POU6F2: variants seen among roughly 807,000 people sequenced by gnomAD.
POU6F2 encodes POU class 6 homeobox 2.
In POU6F2, 31 loss-of-function variants were observed where a neutral mutation model predicts 71.3. The observed-to-expected ratio is 0.43, with a 90% CI of 0.33 to 0.59. The LOEUF is 0.59. Ranked by LOEUF, POU6F2 falls within the 20% of genes least tolerant of loss-of-function variation. POU6F2 has a pLI of 0.04. For missense variants in POU6F2, 783 were observed against 856.8 expected (o/e 0.91, Z 1.07); for synonymous variants, 347 against 355.7 (o/e 0.98, Z 0.27).
At chr7:39,000,447 G>A (rs1370170785) in intron 1 of POU6F2, among the ~76,000 whole-genome samples, 1 of 151,798 alleles carries the variant, frequency 6.6e-6, no homozygotes, top group Non-Finnish European at 1.5e-5. Context: ...ATATCAGACT[G>A]CTCTCCACTG....
intron 4 of POU6F2, among the ~76,000 whole-genome samples, chr7:39,247,823 G>A (rs10081326): frequency 0.69 from 105,299 of 152,074 alleles, 36,940 homozygotes; most frequent in East Asian, 0.97. Context: ...CTGTAACACA[G>A]TATTCCAGGG....
At chr7:39,191,753 A>G (rs185697874) in intron 2 of POU6F2, among the ~76,000 whole-genome samples, 11 of 152,378 alleles carry the variant, frequency 7.2e-5, no homozygotes, top group African/African-American at 4.8e-5. Flanking sequence ...ACCTAAGTCT[A>G]TTAGTAATAT....
rs769551372 is a variant in POU6F2, at chr7:39,466,072, G to A, written c.*1386G>A. 2.0e-5 allele frequency: 3 copies of A among 152,120 alleles called. No homozygotes were observed. The highest frequency in any genetic ancestry group is 1.9e-4 in the East Asian group (1 of 5,198). The allele number at this position is 152,120 out of a possible 1,614,324, so 9.4% of individuals were successfully genotyped here. On this transcript the variant is annotated 3_prime_UTR_variant, in exon 10 of 10. Transcript: ENST00000518318. ...CTGCTACTTCTTTCATTCCAATAGC[G>A]ATGGCAGACTTTTTTCAGGGGGAAT...
intron 1 of POU6F2, among the ~76,000 whole-genome samples, chr7:38,981,301 T>A (rs1472060889): frequency 6.6e-6 from 1 of 152,064 alleles, no homozygotes; most frequent in Non-Finnish European, 1.5e-5. Context: ...AGCTTGTGAG[T>A]GACAGATTAG....
At chr7:39,238,353 C>T (rs1447680872) in intron 4 of POU6F2, among the ~76,000 whole-genome samples, 1 of 152,084 alleles carries the variant, frequency 6.6e-6, no homozygotes, top group East Asian at 1.9e-4. Context: ...ACTAACTTAC[C>T]AGAAAGCAAA....
intron 4 of POU6F2, among the ~76,000 whole-genome samples, chr7:39,211,326 G>A (rs80257136): frequency 0.013 from 1,912 of 152,166 alleles, 47 homozygotes; most frequent in African/African-American, 0.043. Context: ...TAATGCTCCC[G>A]CTCTCACTCA....
chr7:39,079,744 A>G (rs1052695859), intron 1 of POU6F2, among the ~76,000 whole-genome samples: 1 of 152,182 alleles, frequency 6.6e-6, no homozygotes, highest in African/African-American at 2.4e-5. Context: ...AGACACAGAG[A>G]AAGAGATAGC....
intron 1 of POU6F2, among the ~76,000 whole-genome samples, chr7:38,984,705 C>G (rs1353031583): frequency 6.6e-6 from 1 of 152,086 alleles, no homozygotes; most frequent in Non-Finnish European, 1.5e-5. Context: ...AGCCAGTGCT[C>G]CGATGCTGTG....
At chr7:39,217,238 A>G (rs1422375718) in intron 4 of POU6F2, among the ~76,000 whole-genome samples, 2 of 151,464 alleles carry the variant, frequency 1.3e-5, no homozygotes, top group African/African-American at 2.4e-5. Context: ...AAGCAATTCT[A>G]TGCATTCATT....
At chr7:39,200,072 G>T (rs7783839) in intron 2 of POU6F2, among the ~76,000 whole-genome samples, 1 of 151,996 alleles carries the variant, frequency 6.6e-6, no homozygotes, top group Non-Finnish European at 1.5e-5. Context: ...CTAGAAGTCA[G>T]TCAGGATTAT....
intron 2 of POU6F2, among the ~76,000 whole-genome samples, chr7:39,163,536 C>T (rs1459321325): frequency 2.0e-5 from 3 of 152,166 alleles, no homozygotes; most frequent in Non-Finnish European, 2.9e-5. Context: ...GTGGATCTGT[C>T]TCTTGCGTCA....
chr7:39,004,077 T>C (rs889534112), intron 1 of POU6F2, among the ~76,000 whole-genome samples: 1 of 152,168 alleles, frequency 6.6e-6, no homozygotes, highest in African/African-American at 2.4e-5. Context: ...AGAATCAGAA[T>C]AAAATCTCTG....
intron 7 of POU6F2, among the ~76,000 whole-genome samples, chr7:39,445,933 G>A (rs1788512877): frequency 6.6e-6 from 1 of 152,162 alleles, no homozygotes; most frequent in South Asian, 2.1e-4. Context: ...CACAGTAGCA[G>A]CATCACCTGA....
intron 4 of POU6F2, among the ~76,000 whole-genome samples, chr7:39,223,632 C>T (rs181271595): frequency 1.3e-5 from 2 of 152,146 alleles, no homozygotes; most frequent in African/African-American, 2.4e-5. Flanking sequence ...TTTTCCCCAA[C>T]CTTGAAATCT....
At chr7:39,418,957 A>ATATAAG (rs1562544169) in intron 6 of POU6F2, among the ~76,000 whole-genome samples, 2 of 77,316 alleles carry the variant, frequency 2.6e-5, no homozygotes, top group African/African-American at 1.3e-4. Context: ...GTATATATGT[A>ATATAAG]TATATATGTG....
chr7:39,030,500 C>CTATATATATATATATATATATATA (rs58426134), intron 1 of POU6F2, among the ~76,000 whole-genome samples: 4 of 46,240 alleles, frequency 8.7e-5, no homozygotes, highest in Non-Finnish European at 1.7e-4. Flanking sequence ...TCAAAAAATA[C>CTATATATATATATATATATATATA]TATATATATA....
At chr7:39,440,921 G>A (rs1788387530) in intron 7 of POU6F2, among the ~76,000 whole-genome samples, 1 of 152,098 alleles carries the variant, frequency 6.6e-6, no homozygotes, top group South Asian at 2.1e-4. Flanking sequence ...CTTTCTGCTT[G>A]TTTTCCTTTC....
At chr7:39,378,920 T>C (rs1317921504) in intron 5 of POU6F2, among the ~76,000 whole-genome samples, 2 of 152,250 alleles carry the variant, frequency 1.3e-5, no homozygotes. Flanking sequence ...ATTATGTAGT[T>C]GTTTGAGATT....
At chr7:39,214,207 G>T (rs1315011203) in intron 4 of POU6F2, among the ~76,000 whole-genome samples, 2 of 152,024 alleles carry the variant, frequency 1.3e-5, no homozygotes, top group Non-Finnish European at 2.9e-5. Context: ...CAGCCTTGAT[G>T]TGAGGGCATT....
Sources: gnomAD v4.1 joint callset for allele counts (sites outside exome capture counted in the v4.1 genomes callset) on GRCh38, gnomAD v4.1.1 for gene constraint, MANE v1.5 for transcripts, NCBI Gene and HGNC (gene_info 2026-07-23, HGNC 2026-07-21) for gene names.